Variants in PCDH9 observed in about 807,000 individuals in gnomAD.
The protein encoded by PCDH9 is protocadherin 9.
Under a neutral mutation model 70.6 loss-of-function variants are expected in PCDH9, and 24 were observed. The observed-to-expected ratio is 0.34, with a 90% CI of 0.25 to 0.48. PCDH9 has a LOEUF of 0.48. Ranked by LOEUF, PCDH9 falls within the 20% of genes least tolerant of loss-of-function variation. The pLI is 0.99. For synonymous variants in PCDH9, 562 were observed against 558.5 expected (o/e 1.01, Z -0.09); for missense variants, 1,281 against 1,503.6 (o/e 0.85, Z 2.45).
intron 3 of PCDH9, among the ~76,000 whole-genome samples, chr13:66,664,366 G>A (rs903583651): frequency 3.9e-5 from 6 of 151,968 alleles, no homozygotes; most frequent in Admixed American, 1.3e-4. Flanking sequence ...TGACTTCCAG[G>A]AAAGCTGGAG....
chr13:66,913,576 T>G (rs1219013937), intron 2 of PCDH9, among the ~76,000 whole-genome samples: 1 of 151,998 alleles, frequency 6.6e-6, no homozygotes, highest in East Asian at 1.9e-4. Context: ...GGTGGCCTTC[T>G]CCGTACTGTG....
intron 3 of PCDH9, among the ~76,000 whole-genome samples, chr13:66,734,976 T>C (rs1015691992): frequency 6.6e-6 from 1 of 152,190 alleles, no homozygotes; most frequent in African/African-American, 2.4e-5. Context: ...GGCAGACATA[T>C]CTTACGACTA....
intron 4 of PCDH9, among the ~76,000 whole-genome samples, chr13:66,569,600 T>C (rs1439910242): frequency 6.6e-6 from 1 of 152,170 alleles, no homozygotes; most frequent in African/African-American, 2.4e-5. Context: ...AGCCATTCTA[T>C]AGATACTCAA....
At chr13:66,821,428 A>G (rs2080710102) in intron 3 of PCDH9, among the ~76,000 whole-genome samples, 1 of 152,188 alleles carries the variant, frequency 6.6e-6, no homozygotes, top group African/African-American at 2.4e-5. Flanking sequence ...GGACCATTTT[A>G]TATCCCTCTG....
intron 2 of PCDH9, among the ~76,000 whole-genome samples, chr13:67,076,796 G>A (rs576047965): frequency 3.3e-5 from 5 of 152,104 alleles, no homozygotes; most frequent in Admixed American, 6.6e-5. Flanking sequence ...ACAGATCACC[G>A]GCCCCACTCA....
intron 4 of PCDH9, among the ~76,000 whole-genome samples, chr13:66,388,687 A>C (rs1429184151): frequency 6.6e-6 from 1 of 152,154 alleles, no homozygotes; most frequent in Non-Finnish European, 1.5e-5. Flanking sequence ...TTTGAGGGTA[A>C]AAATGTTCAT....
At chr13:66,990,396 T>G (rs1594358692) in intron 2 of PCDH9, among the ~76,000 whole-genome samples, 1 of 151,744 alleles carries the variant, frequency 6.6e-6, no homozygotes, top group East Asian at 1.9e-4. Flanking sequence ...TTTCATACTC[T>G]AAAAGAATAT....
intron 2 of PCDH9, among the ~76,000 whole-genome samples, chr13:67,118,874 C>A (rs1421181211): frequency 6.6e-6 from 1 of 152,122 alleles, no homozygotes; most frequent in Non-Finnish European, 1.5e-5. Context: ...GGGTCAGCAT[C>A]CAAATGTAGA....
At chr13:67,165,490 A>G (rs1376359489) in intron 2 of PCDH9, among the ~76,000 whole-genome samples, 1 of 152,172 alleles carries the variant, frequency 6.6e-6, no homozygotes, top group Non-Finnish European at 1.5e-5. Flanking sequence ...CCTCATTTAT[A>G]TTCCCACTAA....
At chr13:66,327,804 C>T (rs1955873550) in intron 4 of PCDH9, among the ~76,000 whole-genome samples, 2 of 152,066 alleles carry the variant, frequency 1.3e-5, no homozygotes, top group African/African-American at 4.8e-5. Context: ...TGTATATAAT[C>T]ATTATAAAGT....
chr13:66,612,689 G>A (rs528338783), intron 4 of PCDH9, among the ~76,000 whole-genome samples: 8 of 152,262 alleles, frequency 5.3e-5, no homozygotes, highest in Admixed American at 3.9e-4. Flanking sequence ...CACTGAAGGG[G>A]AGCCTGGGGA....
chr13:66,856,154 G>A (rs2081391343), intron 3 of PCDH9, among the ~76,000 whole-genome samples: 1 of 151,838 alleles, frequency 6.6e-6, no homozygotes, highest in African/African-American at 2.4e-5. Flanking sequence ...CATATAAATA[G>A]GAACCTTAAA....
chr13:66,775,764 T>A (rs1464553085), intron 3 of PCDH9, among the ~76,000 whole-genome samples: 1 of 152,218 alleles, frequency 6.6e-6, no homozygotes, highest in African/African-American at 2.4e-5. Context: ...CAGTAGGCTA[T>A]TAGCAGTGAA....
intron 4 of PCDH9, among the ~76,000 whole-genome samples, chr13:66,337,258 A>G (rs1337969117): frequency 2.0e-5 from 3 of 152,122 alleles, no homozygotes; most frequent in African/African-American, 7.2e-5. Flanking sequence ...AAAACTTTCC[A>G]TTCAATTTAT....
intron 2 of PCDH9, among the ~76,000 whole-genome samples, chr13:67,066,674 A>AT (rs558943473): frequency 1.8e-4 from 28 of 152,056 alleles, no homozygotes; most frequent in South Asian, 4.1e-4. Context: ...TTCATACAGA[A>AT]TTTTTTTTAT....
intron 4 of PCDH9, among the ~76,000 whole-genome samples, chr13:66,487,687 A>G (rs570494159): frequency 6.6e-6 from 1 of 152,288 alleles, no homozygotes; most frequent in Admixed American, 6.5e-5. Flanking sequence ...AAAATGAGCT[A>G]CCACTTCAAA....
At chr13:66,892,991 A>T (rs1231571742) in intron 3 of PCDH9, among the ~76,000 whole-genome samples, 1 of 152,178 alleles carries the variant, frequency 6.6e-6, no homozygotes, top group East Asian at 1.9e-4. Flanking sequence ...AAATCTGTTT[A>T]ATCACATAGG....
chr13:67,162,796 T>G (rs1293883713), intron 2 of PCDH9, among the ~76,000 whole-genome samples: 2 of 151,982 alleles, frequency 1.3e-5, no homozygotes, highest in Non-Finnish European at 2.9e-5. Flanking sequence ...AAAAGATAAC[T>G]GTTGAATATA....
intron 4 of PCDH9, among the ~76,000 whole-genome samples, chr13:66,590,503 A>T (rs903505833): frequency 2.0e-5 from 3 of 151,942 alleles, no homozygotes; most frequent in African/African-American, 7.2e-5. Context: ...TAAAATAATA[A>T]CTTTCTGGGA....
Sources: gnomAD v4.1 joint callset for allele counts (sites outside exome capture counted in the v4.1 genomes callset) on GRCh38, gnomAD v4.1.1 for gene constraint, MANE v1.5 for transcripts, NCBI Gene and HGNC (gene_info 2026-07-23, HGNC 2026-07-21) for gene names.